The following PRTG variants were observed in gnomAD, a reference collection of about 807,000 sequenced individuals.
PRTG encodes protogenin, also known as immunoglobulin superfamily, DCC subclass, member 5.
PRTG carries 67 observed loss-of-function variants against 122.5 expected under a neutral mutation model. The observed-to-expected ratio is 0.55, with a 90% CI of 0.45 to 0.67. The LOEUF is 0.67. Ranked by LOEUF, PRTG falls within the 30% of genes least tolerant of loss-of-function variation. The pLI is 0.00. For missense variants in PRTG, 1,435 were observed against 1,415.4 expected (o/e 1.01, Z -0.22); for synonymous variants, 554 against 501.1 (o/e 1.11, Z -1.41).
chr15:55,740,253 G>T, intron 2 of PRTG, 129 bp downstream of exon 2: 1 of 797,034 alleles, frequency 1.3e-6, no homozygotes, highest in Non-Finnish European at 1.9e-6. Context: ...GCCTCAGTTA[G>T]CATCAACTAT....
At chr15:55,633,312 C>T (rs1361563263) in intron 15 of PRTG, among the ~76,000 whole-genome samples, 6 of 152,072 alleles carry the variant, frequency 3.9e-5, no homozygotes, top group African/African-American at 1.2e-4. Flanking sequence ...TGAGTTCAAG[C>T]GATTCTCCTG....
In PRTG at chr15:55,652,268, T is replaced by C. The variant is rs11855742; in HGVS notation, c.2042-11060A>G. Among the ~76,000 whole-genome samples the C allele has an allele frequency of 3.7e-3, 565 of 152,264 alleles. 2 individuals are homozygous for C. The highest frequency in any genetic ancestry group is 9.5e-3 in the Admixed American group (145 of 15,282). ...TGATATAACGTCAGGATATGCCTAA[T>C]GTATATCCTGATATAACGTCAGGAT... is the stretch of plus-strand genomic sequence containing the variant. On this transcript the variant is annotated intron_variant, in intron 11 of 19. Transcript: ENST00000389286.
chr15:55,713,421 G>A (rs1567111398), intron 2 of PRTG, among the ~76,000 whole-genome samples: 1 of 152,160 alleles, frequency 6.6e-6, no homozygotes, highest in Non-Finnish European at 1.5e-5. Context: ...GCTTCAAGGA[G>A]CATTCTTATA....
At chr15:55,736,243 G>A (rs1170916320) in intron 2 of PRTG, among the ~76,000 whole-genome samples, 2 of 152,048 alleles carry the variant, frequency 1.3e-5, no homozygotes, top group African/African-American at 4.8e-5. Flanking sequence ...CCTTTCCAGT[G>A]CCTACAGCTC....
intron 9 of PRTG, 30 bp downstream of exon 9, chr15:55,675,489 C>T: frequency 6.7e-7 from 1 of 1,494,720 alleles, no homozygotes. Context: ...AATGTTCATA[C>T]TGAAATGATC....
chr15:55,709,195 G>T (rs1303684634), intron 2 of PRTG, among the ~76,000 whole-genome samples: 1 of 107,532 alleles, frequency 9.3e-6, no homozygotes, highest in Non-Finnish European at 2.1e-5. Flanking sequence ...CGTTTTTAAA[G>T]CCCTATGGGA....
intron 2 of PRTG, among the ~76,000 whole-genome samples, chr15:55,738,022 A>G (rs1595688653): frequency 8.8e-6 from 1 of 113,060 alleles, no homozygotes; most frequent in South Asian, 2.7e-4. Context: ...ATATATATAT[A>G]TATACACACA....
chr15:55,627,176 A>G (rs764135386), intron 16 of PRTG, 48 bp from the exon 17 acceptor site: 1 of 1,413,690 alleles, frequency 7.1e-7, no homozygotes. Flanking sequence ...AAAATAAATT[A>G]TTTAATTTAT....
chr15:55,628,872 G>A lies in PRTG; in HGVS notation c.2756C>T (p.Thr919Ile). 1 of 1,614,020 alleles carries A rather than the reference G, an allele frequency of 6.2e-7. No individual in the cohort carries two copies. The highest frequency in any genetic ancestry group is 8.5e-7 in the Non-Finnish European group (1 of 1,179,932). The change falls in exon 16 of 20, where the codon ACC becomes ATC. Residue 919 changes from threonine to isoleucine, a missense_variant. Coordinates refer to ENST00000389286, the MANE Select transcript of PRTG (RefSeq NM_173814.6). ...SVELAVLPKE[T>I]SESNQRPKRL... The stretch of plus-strand genomic sequence containing the variant: ...CTTGGGCCTCTGATTTGATTCAGAG[G>A]TTTCCTTTGGAAGTACTGCCAGCTC...
At chr15:55,704,084 G>GA (rs34977906) in intron 2 of PRTG, among the ~76,000 whole-genome samples, 1 of 151,898 alleles carries the variant, frequency 6.6e-6, no homozygotes, top group Non-Finnish European at 1.5e-5. Flanking sequence ...ATTCAAGGGG[G>GA]AAAAAAAAGT....
Position 55,614,634 on chromosome 15 carries a change from T to C in PRTG, c.*5378A>G, listed in dbSNP as rs554791552. On this transcript the variant is annotated 3_prime_UTR_variant, in exon 20 of 20. Transcript: ENST00000389286. ...AGTTAGACGCAAATATTTAGGACACTTGCTGATAAACATGAGATGTTATTT... is the reference window on the plus strand; with the variant it reads ...AGTTAGACGCAAATATTTAGGACACCTGCTGATAAACATGAGATGTTATTT... The C allele has an allele frequency of 6.6e-6, 1 of 152,296 alleles. No individual in the cohort carries two copies. The highest frequency in any genetic ancestry group is 1.5e-5 in the Non-Finnish European group (1 of 68,002). 9.4% of individuals were successfully genotyped at this position (152,296 alleles called of 1,614,324 possible).
chr15:55,621,201 A>C (rs1338654532), intron 18 of PRTG, among the ~76,000 whole-genome samples: 2 of 152,148 alleles, frequency 1.3e-5, no homozygotes, highest in East Asian at 3.9e-4. Flanking sequence ...AAAATACAAA[A>C]ATTAGCCAGG....
chr15:55,627,059 A>G lies in PRTG; in HGVS notation c.2876T>C (p.Leu959Ser), dbSNP rs754250114. The change falls in exon 17 of 20, where the codon TTG (leucine) becomes TCG (serine). Residue 959 changes from leucine (L) to serine (S), a missense_variant. Coordinates refer to ENST00000389286, the MANE Select transcript of PRTG (RefSeq NM_173814.6). ...TGIAVGVGIA[L>S]TCILICVLIL... ...GAGAACACAGATGAGGATGCAGGTCAAGGCTATGCCAACACCTACAGCAAT... is the reference window on the plus strand; with the variant it reads ...GAGAACACAGATGAGGATGCAGGTCGAGGCTATGCCAACACCTACAGCAAT... The G allele has an allele frequency of 8.7e-6, 14 of 1,612,658 alleles. No homozygotes were observed. The highest frequency in any genetic ancestry group is 1.2e-5 in the Non-Finnish European group (14 of 1,178,972).
intron 11 of PRTG, among the ~76,000 whole-genome samples, chr15:55,648,091 G>A (rs1238360188): frequency 1.3e-5 from 2 of 152,200 alleles, no homozygotes; most frequent in Non-Finnish European, 2.9e-5. Flanking sequence ...ACAAAGAAAT[G>A]GCCCTAATGA....
At chr15:55,721,926 G>C (rs2030841268) in intron 2 of PRTG, among the ~76,000 whole-genome samples, 1 of 152,038 alleles carries the variant, frequency 6.6e-6, no homozygotes, top group East Asian at 1.9e-4. Context: ...CTCCCACCAG[G>C]TCCCTCCCAC....
chr15:55,716,863 G>A (rs1035916404), intron 2 of PRTG, among the ~76,000 whole-genome samples: 5 of 151,570 alleles, frequency 3.3e-5, no homozygotes, highest in African/African-American at 9.7e-5. Flanking sequence ...ATATGTACAC[G>A]TGTACATATC....
intron 2 of PRTG, among the ~76,000 whole-genome samples, chr15:55,723,494 GAGAAAGAGGC>G (rs1395956321): frequency 2.0e-5 from 3 of 150,984 alleles, no homozygotes; most frequent in Non-Finnish European, 4.4e-5. Context: ...GAAAAAGAAA[GAGAAAGAGGC>G]AGAAAGAGTA....
intron 11 of PRTG, among the ~76,000 whole-genome samples, chr15:55,645,984 A>G (rs1357608977): frequency 6.6e-6 from 1 of 151,978 alleles, no homozygotes; most frequent in Non-Finnish European, 1.5e-5. Flanking sequence ...AGGTGCATAA[A>G]AATCACTCCT....
Position 55,627,348 on chromosome 15 carries a change from C to T in PRTG, c.2807-220G>A, listed in dbSNP as rs1184466959. 1.0e-4 allele frequency among the ~76,000 whole-genome samples: 14 copies of T among 133,932 alleles called. 1 individual carries two copies. Among genetic ancestry groups the T allele is most frequent in the Admixed American group, 5.8e-4 (7 of 12,152 alleles). 87.9% of individuals were successfully genotyped at this position (133,932 alleles called of 152,430 possible). ...AAAGTTTTTTTTTTTTTTTTTGAGA[C>T]GGAGTCTCGCTCTGTTGCCCAGGCT... On this transcript the variant is annotated intron_variant, in intron 16 of 19. Coordinates refer to ENST00000389286, the MANE Select transcript of PRTG (RefSeq NM_173814.6).
Sources: gnomAD v4.1 joint callset for allele counts (sites outside exome capture counted in the v4.1 genomes callset) on GRCh38, gnomAD v4.1.1 for gene constraint, MANE v1.5 for transcripts, NCBI Gene and HGNC (gene_info 2026-07-23, HGNC 2026-07-21) for gene names.